The following TRIM2 variants were observed in gnomAD, a reference collection of about 807,000 sequenced individuals.
TRIM2 encodes tripartite motif-containing protein 2.
Under a neutral mutation model 75.2 loss-of-function variants are expected in TRIM2, and 20 were observed. That is an observed-to-expected ratio of 0.27 (90% CI 0.19 to 0.39). The LOEUF (loss-of-function observed/expected upper bound fraction) is 0.39. Ranked by LOEUF, TRIM2 falls within the 10% of genes least tolerant of loss-of-function variation. The probability of loss-of-function intolerance (pLI) is 1.00; values close to 1 mark genes in which losing one functional copy is unlikely to be tolerated. For synonymous variants in TRIM2, 373 were observed against 388.3 expected (o/e 0.96, Z 0.46); for missense variants, 660 against 990.8 (o/e 0.67, Z 4.48).
intron 6 of TRIM2, among the ~76,000 whole-genome samples, chr4:153,312,937 C>T (rs533942825): frequency 1.2e-4 from 18 of 152,104 alleles, no homozygotes; most frequent in African/African-American, 4.3e-4. Flanking sequence ...GGGGGAAAGA[C>T]CAAAAATAAT....
Position 153,243,355 on chromosome 4 carries a change from G to A in TRIM2, c.31-26980G>A, listed in dbSNP as rs190398660. On this transcript the variant is annotated intron_variant, in intron 1 of 11. Transcript: ENST00000338700. ...AGGGGTGACTCTTTTCGTTGAGAGA[G>A]TACCAGTGCTGTGCCATGTGGCAGG... 2.5e-3 allele frequency among the ~76,000 whole-genome samples: 384 copies of A among 152,360 alleles called. 3 individuals carry two copies. Among genetic ancestry groups the A allele is most frequent in the African/African-American group, 7.6e-3 (317 of 41,576 alleles).
intron 3 of TRIM2, among the ~76,000 whole-genome samples, chr4:153,279,322 A>G (rs1758710963): frequency 1.3e-5 from 2 of 152,332 alleles, no homozygotes; most frequent in African/African-American, 4.8e-5. Context: ...AATTAATCTT[A>G]TACTAGGTCA....
At chr4:153,245,789 A>C (rs952194626) in intron 1 of TRIM2, among the ~76,000 whole-genome samples, 1 of 152,042 alleles carries the variant, frequency 6.6e-6, no homozygotes, top group Non-Finnish European at 1.5e-5. Context: ...CGATCCTCCC[A>C]CCTCAGCCTC....
intron 1 of TRIM2, among the ~76,000 whole-genome samples, chr4:153,260,367 A>G (rs1248352873): frequency 6.6e-6 from 1 of 152,108 alleles, no homozygotes; most frequent in African/African-American, 2.4e-5. Flanking sequence ...TGACCACTTA[A>G]CATTCCACCA....
chr4:153,190,564 A>G (rs6823284), intron 1 of TRIM2, among the ~76,000 whole-genome samples: 3,797 of 152,282 alleles, frequency 0.025, 148 homozygotes, highest in African/African-American at 0.087. Context: ...GCCCGACTCC[A>G]GAATCTACTG....
chr4:153,176,754 G>A (rs1434628934), intron 1 of TRIM2, among the ~76,000 whole-genome samples: 1 of 152,094 alleles, frequency 6.6e-6, no homozygotes, highest in African/African-American at 2.4e-5. Context: ...GGGACCACAG[G>A]TGTGTGCCAC....
chr4:153,251,432 T>A (rs1395518772), intron 1 of TRIM2, among the ~76,000 whole-genome samples: 1 of 152,260 alleles, frequency 6.6e-6, no homozygotes. Context: ...AACTGAAGGC[T>A]GGAAATAATT....
intron 11 of TRIM2, among the ~76,000 whole-genome samples, chr4:153,333,759 A>G (rs1350561214): frequency 6.6e-6 from 1 of 152,196 alleles, no homozygotes; most frequent in Admixed American, 6.5e-5. Flanking sequence ...AATAATACGA[A>G]TTGTAAAAAT....
intron 1 of TRIM2, among the ~76,000 whole-genome samples, chr4:153,162,858 A>G (rs1729875796): frequency 6.6e-6 from 1 of 152,156 alleles, no homozygotes; most frequent in Admixed American, 6.5e-5. Context: ...GGGAATTCTC[A>G]TGTGGCCACT....
At chr4:153,159,030 C>T (rs1287997813) in intron 1 of TRIM2, among the ~76,000 whole-genome samples, 1 of 152,162 alleles carries the variant, frequency 6.6e-6, no homozygotes, top group African/African-American at 2.4e-5. Context: ...TGTAAATGAA[C>T]AACTGAGCCA....
intron 3 of TRIM2, among the ~76,000 whole-genome samples, chr4:153,280,486 G>T (rs1468138217): frequency 1.3e-5 from 2 of 149,740 alleles, no homozygotes; most frequent in African/African-American, 5.0e-5. Context: ...CAGGGCTCAA[G>T]TGATACCCCT....
intron 1 of TRIM2, among the ~76,000 whole-genome samples, chr4:153,163,502 T>A (rs1353711386): frequency 2.1e-5 from 3 of 144,864 alleles, no homozygotes; most frequent in Admixed American, 1.4e-4. Flanking sequence ...CATCTTTTTT[T>A]TTTTTTTTTT....
chr4:153,214,882 G>T (rs77979392), intron 1 of TRIM2, among the ~76,000 whole-genome samples: 1,957 of 152,288 alleles, frequency 0.013, 40 homozygotes, highest in African/African-American at 0.045. Context: ...AATTGCTGTA[G>T]TAGGTTCTTT....
intron 1 of TRIM2, among the ~76,000 whole-genome samples, chr4:153,249,247 T>C (rs1394986233): frequency 6.6e-6 from 1 of 152,076 alleles, no homozygotes; most frequent in Non-Finnish European, 1.5e-5. Context: ...GCCATCTGGG[T>C]GGAGGGGACC....
intron 1 of TRIM2, among the ~76,000 whole-genome samples, chr4:153,221,548 GA>G (rs1739998332): frequency 6.6e-6 from 1 of 152,140 alleles, no homozygotes; most frequent in African/African-American, 2.4e-5. Flanking sequence ...ATAGTGTTTT[GA>G]AATTGTAGGT....
chr4:153,166,628 C>T (rs1450620119), intron 1 of TRIM2, among the ~76,000 whole-genome samples: 1 of 152,018 alleles, frequency 6.6e-6, no homozygotes, highest in African/African-American at 2.4e-5. Flanking sequence ...TCATTGCAAC[C>T]TCACCCTCAA....
chr4:153,325,815 T>G (rs1282308841), intron 10 of TRIM2, among the ~76,000 whole-genome samples: 1 of 152,214 alleles, frequency 6.6e-6, no homozygotes, highest in Admixed American at 6.5e-5. Flanking sequence ...TCCTGTCCAG[T>G]GCTCCAGGCA....
At chr4:153,161,168 T>G (rs1298058493) in intron 1 of TRIM2, among the ~76,000 whole-genome samples, 1 of 152,214 alleles carries the variant, frequency 6.6e-6, no homozygotes, top group Non-Finnish European at 1.5e-5. Flanking sequence ...TTGTTTGTTC[T>G]AAGAACGTAA....
intron 1 of TRIM2, among the ~76,000 whole-genome samples, chr4:153,205,515 T>A (rs1413231465): frequency 6.6e-6 from 1 of 152,134 alleles, no homozygotes; most frequent in African/African-American, 2.4e-5. Context: ...CTCCTCCTGC[T>A]GAAAAAAAGA....
Sources: allele counts gnomAD v4.1 joint callset (sites outside exome capture counted in the v4.1 genomes callset), GRCh38; gene constraint gnomAD v4.1.1; transcripts MANE v1.5; gene names NCBI Gene and HGNC (gene_info 2026-07-23, HGNC 2026-07-21).